The following CNTNAP5 variants were observed in gnomAD, a reference collection of about 807,000 sequenced individuals.
CNTNAP5 encodes the protein contactin associated protein family member 5.
Under a neutral mutation model 150.2 loss-of-function variants are expected in CNTNAP5, and 72 were observed. The ratio of observed to expected loss-of-function variants is 0.48; its 90% CI spans 0.40 to 0.58. CNTNAP5 has a LOEUF of 0.58. Ranked by LOEUF, CNTNAP5 falls within the 20% of genes least tolerant of loss-of-function variation. The probability of loss-of-function intolerance (pLI) is 0.00; values close to 1 mark genes in which losing one functional copy is unlikely to be tolerated. For missense variants in CNTNAP5, 1,636 were observed against 1,626.2 expected, an observed-to-expected ratio of 1.01 and a Z score of -0.10; for synonymous variants, 672 against 619.8, an observed-to-expected ratio of 1.08 and a Z score of -1.25.
chr2:124,180,346 C>T (rs528542153), intron 1 of CNTNAP5, among the ~76,000 whole-genome samples: 4 of 152,052 alleles, frequency 2.6e-5, no homozygotes, highest in Non-Finnish European at 4.4e-5. Context: ...ATATTTTGCC[C>T]CATCAATTAA....
chr2:124,896,559 A>C (rs1373409880), intron 21 of CNTNAP5, among the ~76,000 whole-genome samples: 3 of 150,970 alleles, frequency 2.0e-5, no homozygotes, highest in Non-Finnish European at 4.4e-5. Flanking sequence ...GTTTCTTTTG[A>C]GACAATTTTG....
At chr2:124,562,800 G>A (rs1695925110) in intron 10 of CNTNAP5, among the ~76,000 whole-genome samples, 1 of 152,136 alleles carries the variant, frequency 6.6e-6, no homozygotes, top group Admixed American at 6.5e-5. Context: ...AGAGAAGCAT[G>A]AGGACAATGA....
intron 1 of CNTNAP5, among the ~76,000 whole-genome samples, chr2:124,200,508 A>G (rs1054577014): frequency 6.6e-6 from 1 of 152,118 alleles, no homozygotes; most frequent in African/African-American, 2.4e-5. Flanking sequence ...TTCTTCTAAT[A>G]TGCTTTTATT....
chr2:124,451,844 T>C (rs867570473), intron 6 of CNTNAP5, among the ~76,000 whole-genome samples: 3 of 152,044 alleles, frequency 2.0e-5, no homozygotes, highest in Admixed American at 6.6e-5. Context: ...TTGGAGCTCA[T>C]TGAATTTAGA....
chr2:124,112,931 A>T (rs1683332287), intron 1 of CNTNAP5, among the ~76,000 whole-genome samples: 1 of 152,188 alleles, frequency 6.6e-6, no homozygotes, highest in Admixed American at 6.5e-5. Context: ...GCAATCAGGA[A>T]AATCCACACA....
intron 9 of CNTNAP5, among the ~76,000 whole-genome samples, chr2:124,524,808 G>GTGTATCAAGGCC (rs1694928611): frequency 6.6e-6 from 1 of 152,186 alleles, no homozygotes; most frequent in Admixed American, 6.5e-5. Flanking sequence ...TGTATCAAGA[G>GTGTATCAAGGCC]TCAGCAGTAC....
At chr2:124,860,315 A>C (rs188510812) in intron 19 of CNTNAP5, among the ~76,000 whole-genome samples, 330 of 151,420 alleles carry the variant, frequency 2.2e-3, no homozygotes, top group African/African-American at 7.6e-3. Flanking sequence ...GTGCCATTGC[A>C]CTCCAGTCTG....
chr2:124,027,421 A>G (rs894195286), intron 1 of CNTNAP5, among the ~76,000 whole-genome samples: 4 of 152,244 alleles, frequency 2.6e-5, no homozygotes, highest in African/African-American at 9.6e-5. Context: ...TTGAAAAGCC[A>G]CAAAGGTGGG....
rs192201165 is a variant in CNTNAP5 at position 124,543,869 on chromosome 2, T to C, written c.1649+16413T>C. The stretch of plus-strand genomic sequence containing the variant: ...ATATATTTTTTCTCCTTTGATGTTT[T>C]ACCGTACTTGTTTCTACAGTGGATT... On this transcript the variant is annotated intron_variant, in intron 10 of 23. Coordinates refer to ENST00000682447, the MANE Select transcript of CNTNAP5 (RefSeq NM_001367498.1). Among the ~76,000 whole-genome samples the C allele has an allele frequency of 5.1e-4, 77 of 152,296 alleles. 1 individual carries two copies. The highest frequency in any genetic ancestry group is 1.2e-3 in the Admixed American group (18 of 15,282).
intron 1 of CNTNAP5, among the ~76,000 whole-genome samples, chr2:124,034,860 C>T (rs1173100206): frequency 6.6e-6 from 1 of 152,148 alleles, no homozygotes; most frequent in Non-Finnish European, 1.5e-5. Flanking sequence ...CCACATTACC[C>T]TCCTGTGTAC....
chr2:124,537,179 G>A lies in CNTNAP5; in HGVS notation c.1649+9723G>A, dbSNP rs185049689. Among the ~76,000 whole-genome samples the A allele has an allele frequency of 2.2e-3, 338 of 152,240 alleles. 1 individual carries two copies. The highest frequency in any genetic ancestry group is 7.9e-3 in the African/African-American group (327 of 41,570). Reference sequence around the variant, plus strand: ...TAAGTAATTTGCCCAAGGTCACACAGCCTATATGTGGTAGAGCCTGGCTGC... The same window carrying A: ...TAAGTAATTTGCCCAAGGTCACACAACCTATATGTGGTAGAGCCTGGCTGC... On this transcript the variant is annotated intron_variant, in intron 10 of 23. Coordinates refer to ENST00000682447, the MANE Select transcript of CNTNAP5 (RefSeq NM_001367498.1).
intron 19 of CNTNAP5, among the ~76,000 whole-genome samples, chr2:124,863,672 T>G (rs140514080): frequency 1.3e-3 from 202 of 152,232 alleles, no homozygotes; most frequent in African/African-American, 4.7e-3. Flanking sequence ...CTCTGCCCTC[T>G]CCCCGCAAAA....
intron 14 of CNTNAP5, among the ~76,000 whole-genome samples, chr2:124,753,679 T>C (rs1680778125): frequency 6.6e-6 from 1 of 152,208 alleles, no homozygotes; most frequent in Admixed American, 6.5e-5. Flanking sequence ...CAGTAGTTCA[T>C]TGGTTATATA....
At chr2:124,272,765 A>G (rs1687792346) in intron 3 of CNTNAP5, among the ~76,000 whole-genome samples, 1 of 152,186 alleles carries the variant, frequency 6.6e-6, no homozygotes, top group Admixed American at 6.5e-5. Context: ...ACCAGTAATG[A>G]GGTAAAAGTT....
chr2:124,277,748 T>G (rs1427856816), intron 3 of CNTNAP5, among the ~76,000 whole-genome samples: 2 of 152,188 alleles, frequency 1.3e-5, no homozygotes, highest in African/African-American at 4.8e-5. Context: ...TGGATTTGTC[T>G]TTTGCCATCA....
At chr2:124,035,469 A>G (rs1479616393) in intron 1 of CNTNAP5, among the ~76,000 whole-genome samples, 1 of 151,564 alleles carries the variant, frequency 6.6e-6, no homozygotes, top group Admixed American at 6.6e-5. Context: ...GTTGCAATTA[A>G]CTTTTACTAA....
chr2:124,493,965 TACACACACACACAC>T (rs58843895), intron 7 of CNTNAP5, among the ~76,000 whole-genome samples: 73 of 143,944 alleles, frequency 5.1e-4, no homozygotes, highest in African/African-American at 1.8e-3. Context: ...AAACCATAAA[TACACACACACACAC>T]ACACACACAC....
chr2:124,593,185 G>A (rs1696740363), intron 11 of CNTNAP5, among the ~76,000 whole-genome samples: 1 of 145,480 alleles, frequency 6.9e-6, no homozygotes, highest in African/African-American at 2.5e-5. Context: ...TGCACATAGT[G>A]CAGGTTAGTT....
intron 4 of CNTNAP5, among the ~76,000 whole-genome samples, chr2:124,423,682 T>A (rs1692169227): frequency 7.4e-6 from 1 of 134,582 alleles, no homozygotes; most frequent in Admixed American, 7.7e-5. Flanking sequence ...TTTTTTTTTT[T>A]GAGACGGAGT....
Sources: allele counts gnomAD v4.1 joint callset (sites outside exome capture counted in the v4.1 genomes callset), GRCh38; gene constraint gnomAD v4.1.1; transcripts MANE v1.5; gene names NCBI Gene and HGNC (gene_info 2026-07-23, HGNC 2026-07-21).